TMEM181: variants seen among roughly 807,000 people sequenced by gnomAD.
The protein encoded by TMEM181 is transmembrane protein 181.
A neutral mutation model predicts 71.9 loss-of-function variants in TMEM181; 39 were observed. That is an observed-to-expected ratio of 0.54 (90% CI 0.42 to 0.71). TMEM181 has a LOEUF of 0.71. TMEM181 is among the 30% of genes least tolerant of loss of function. The pLI, the probability that TMEM181 is intolerant of heterozygous loss-of-function variation, is 0.00. For missense variants in TMEM181, 595 were observed against 583.0 expected, an observed-to-expected ratio of 1.02 and a Z score of -0.21; for synonymous variants, 245 against 228.8, an observed-to-expected ratio of 1.07 and a Z score of -0.64.
chr6:158,568,697 A>G (rs939100896), intron 1 of TMEM181, among the ~76,000 whole-genome samples: 1 of 152,120 alleles, frequency 6.6e-6, no homozygotes, highest in Admixed American at 6.5e-5. Context: ...ACCTGTGAGC[A>G]TTTTCAGCAG....
intron 3 of TMEM181, among the ~76,000 whole-genome samples, chr6:158,581,482 G>A (rs1783466823): frequency 1.3e-5 from 2 of 152,134 alleles, no homozygotes; most frequent in African/African-American, 4.8e-5. Flanking sequence ...GGCCAGGTGA[G>A]GTGGCTCATG....
intron 8 of TMEM181, 113 bp downstream of exon 8, chr6:158,607,456 C>T (rs3734474): frequency 0.42 from 392,327 of 927,862 alleles, 84,822 homozygotes; most frequent in East Asian, 0.61. Flanking sequence ...GGCAGGAGGA[C>T]TGCTTGAAGC....
chr6:158,544,188 T>A (rs374370375), intron 1 of TMEM181, among the ~76,000 whole-genome samples: 41 of 114,014 alleles, frequency 3.6e-4, no homozygotes, highest in Middle Eastern at 4.2e-3. Context: ...AGAGAGTGTG[T>A]GTGTGTGTGT....
In TMEM181 at chr6:158,604,700, C is replaced by T. The variant is rs148339742; in HGVS notation, c.493-567C>T. ...AAACTTTGTAACAACATTCTAGTTG[C>T]ACTTTTACATCTTTTAAAACTTTCT... is the stretch of plus-strand genomic sequence containing the variant. On this transcript the variant is annotated intron_variant, in intron 6 of 16. Transcript: ENST00000684151. Among the ~76,000 whole-genome samples the T allele has an allele frequency of 3.6e-3, 551 of 152,282 alleles. 4 individuals carry two copies. Among genetic ancestry groups the T allele is most frequent in the African/African-American group, 0.012 (493 of 41,532 alleles).
In TMEM181 at chr6:158,583,912, A is replaced by G. The variant is rs1182119232; in HGVS notation, c.169-42A>G. On this transcript the variant is annotated intron_variant, in intron 3 of 16. Coordinates refer to ENST00000684151, the MANE Select transcript of TMEM181 (RefSeq NM_001376852.1). ...AAACGATGAGGTATTTGGTAGACTCAATGAAAAGGTCACATGGATTACTTT... is the reference window on the plus strand; with the variant it reads ...AAACGATGAGGTATTTGGTAGACTCGATGAAAAGGTCACATGGATTACTTT... 3.4e-6 allele frequency: 5 copies of G among 1,484,194 alleles called. No homozygotes were observed. In the African/African-American group the frequency reaches 5.6e-5, roughly 17 times the overall value. 91.9% of individuals were successfully genotyped at this position (1,484,194 alleles called of 1,614,324 possible). A position where few individuals can be genotyped will look rare whatever the true frequency, so the allele number is the denominator to read the frequency against.
chr6:158,611,141 G>A, intron 10 of TMEM181: 1 of 528,454 alleles, frequency 1.9e-6, no homozygotes, highest in Non-Finnish European at 3.9e-6. Flanking sequence ...CTGAGGGTCT[G>A]TGACTACTCT....
At chr6:158,546,845 A>G (rs1355412404) in intron 1 of TMEM181, among the ~76,000 whole-genome samples, 3 of 152,186 alleles carry the variant, frequency 2.0e-5, no homozygotes, top group Non-Finnish European at 2.9e-5. Flanking sequence ...CTGTAGTCCC[A>G]GCTGCTTGTG....
intron 4 of TMEM181, 95 bp from the exon 5 acceptor site, chr6:158,585,209 T>C: frequency 1.4e-6 from 2 of 1,395,918 alleles, no homozygotes; most frequent in South Asian, 1.5e-5. Context: ...TTAAGCGTTT[T>C]CCTGGCTCCA....
At chr6:158,572,915 G>A (rs1237917353) in intron 1 of TMEM181, among the ~76,000 whole-genome samples, 4 of 151,574 alleles carry the variant, frequency 2.6e-5, no homozygotes, top group African/African-American at 9.7e-5. Flanking sequence ...AGGTTGTGAG[G>A]TTGTGGGCTT....
chr6:158,548,403 CAT>C (rs1281791279), intron 1 of TMEM181, among the ~76,000 whole-genome samples: 1 of 152,158 alleles, frequency 6.6e-6, no homozygotes, highest in Non-Finnish European at 1.5e-5. Context: ...CCCGGTAACT[CAT>C]AGAAAAACAT....
At chr6:158,564,165 G>A (rs1782349583) in intron 1 of TMEM181, among the ~76,000 whole-genome samples, 1 of 152,226 alleles carries the variant, frequency 6.6e-6, no homozygotes, top group African/African-American at 2.4e-5. Flanking sequence ...CTCCCTTTGA[G>A]AAGTTTCTTT....
chr6:158,579,078 G>A (rs538387382), intron 2 of TMEM181, among the ~76,000 whole-genome samples: 23 of 151,970 alleles, frequency 1.5e-4, no homozygotes, highest in African/African-American at 5.3e-4. Flanking sequence ...AACCAACATG[G>A]TGAAACCCCG....
intron 4 of TMEM181, among the ~76,000 whole-genome samples, chr6:158,584,403 C>G (rs949640767): frequency 6.6e-6 from 1 of 152,170 alleles, no homozygotes; most frequent in African/African-American, 2.4e-5. Flanking sequence ...GAGACAATTT[C>G]GTCACACACG....
At chr6:158,624,349 C>A (rs1254529214) in intron 11 of TMEM181, among the ~76,000 whole-genome samples, 1 of 152,164 alleles carries the variant, frequency 6.6e-6, no homozygotes, top group Non-Finnish European at 1.5e-5. Context: ...GAAAAATGAT[C>A]CCGATTCCTG....
intron 10 of TMEM181, among the ~76,000 whole-genome samples, chr6:158,619,710 A>G (rs1359114171): frequency 1.3e-5 from 2 of 152,126 alleles, no homozygotes; most frequent in African/African-American, 4.8e-5. Context: ...CTGTACTAAA[A>G]TACAAAAAAT....
intron 1 of TMEM181, among the ~76,000 whole-genome samples, chr6:158,543,958 G>T (rs559886890): frequency 3.3e-5 from 5 of 152,158 alleles, no homozygotes; most frequent in Non-Finnish European, 7.4e-5. Context: ...GAGTCAGGAG[G>T]ACTAGGCAGG....
At chr6:158,579,726 C>A (rs1783367273) in intron 2 of TMEM181, among the ~76,000 whole-genome samples, 2 of 151,820 alleles carry the variant, frequency 1.3e-5, no homozygotes, top group South Asian at 4.1e-4. Flanking sequence ...TCTCAAAAAA[C>A]AAACAAACAA....
intron 10 of TMEM181, among the ~76,000 whole-genome samples, chr6:158,616,759 T>G (rs1562310290): frequency 6.6e-6 from 1 of 152,224 alleles, no homozygotes; most frequent in African/African-American, 2.4e-5. Context: ...GTTTTTGTCT[T>G]TGGTTCTGTT....
At chr6:158,598,416 C>T (rs1784497698) in intron 6 of TMEM181, among the ~76,000 whole-genome samples, 1 of 152,120 alleles carries the variant, frequency 6.6e-6, no homozygotes, top group South Asian at 2.1e-4. Flanking sequence ...ACTCACGTCT[C>T]AAGTCCTTCA....
Sources: gnomAD v4.1 joint callset for allele counts (sites outside exome capture counted in the v4.1 genomes callset) on GRCh38, gnomAD v4.1.1 for gene constraint, MANE v1.5 for transcripts, NCBI Gene and HGNC (gene_info 2026-07-23, HGNC 2026-07-21) for gene names.